CDK5RAP1: variants seen among roughly 807,000 people sequenced by gnomAD.
CDK5RAP1 encodes CDK5RAP1 mitochondrial tRNA methylthiotransferase.
CDK5RAP1 carries 62 observed loss-of-function variants against 64.5 expected under a neutral mutation model. That is an observed-to-expected ratio of 0.96 (90% CI 0.78 to 1.19). The LOEUF (loss-of-function observed/expected upper bound fraction) is 1.19, where lower values mean the gene tolerates loss of function less well. CDK5RAP1 is among the 50% of genes most tolerant of loss of function. CDK5RAP1 has a pLI of 0.00. For missense variants in CDK5RAP1, 657 were observed against 735.0 expected (o/e 0.89, Z 1.23); for synonymous variants, 250 against 261.9 (o/e 0.95, Z 0.44).
Position 33,374,184 on chromosome 20 carries a change from TTA to T in CDK5RAP1, c.1134_1135del (p.Asp378GlufsTer4). 1 of 1,613,018 alleles carries T rather than the reference TTA, an allele frequency of 6.2e-7. No individual in the cohort carries two copies. The highest frequency in any genetic ancestry group is 8.5e-7 in the Non-Finnish European group (1 of 1,178,974). ...TGGCAGGTGGATCTGTTTACAGATG[TTA>T]TCTCTCTCATGAATCAGCTGCAGAA... On this transcript the variant is annotated frameshift_variant, in exon 9 of 14. Transcript: ENST00000346416. LOFTEE classifies it high-confidence loss of function.
chr20:33,388,968 T>G (rs1458515828), intron 5 of CDK5RAP1, among the ~76,000 whole-genome samples: 1 of 152,164 alleles, frequency 6.6e-6, no homozygotes, highest in African/African-American at 2.4e-5. Context: ...TGACCTCCGC[T>G]CGCTACAACC....
rs755744142 is a variant in CDK5RAP1, at chr20:33,387,351, T to A, written c.727A>T (p.Thr243Ser). ...ETYADVMPVQ[T>S]SASATSAFVS... ...AAGGCAGACGTGGCACTGGCGCTTG[T>A]CTGGACTGGCATGACATCAGCATAG... The change falls in exon 6 of 14, where the codon ACA becomes TCA. Residue 243 changes from threonine to serine, a missense_variant. Transcript: ENST00000346416. 1.9e-6 allele frequency: 3 copies of A among 1,613,822 alleles called. No homozygotes were observed. The highest frequency in any genetic ancestry group is 2.7e-5 in the African/African-American group (2 of 74,854).
rs575719003 is a variant in CDK5RAP1 at position 33,388,957 on chromosome 20, G to A, written c.545-1424C>T. The stretch of plus-strand genomic sequence containing the variant: ...TGTTGCCAGGCTGGAGTGCAGTGGC[G>A]TGACCTCCGCTCGCTACAACCTCCA... On this transcript the variant is annotated intron_variant, in intron 5 of 13. Transcript: ENST00000346416. 5.3e-5 allele frequency among the ~76,000 whole-genome samples: 8 copies of A among 152,292 alleles called. No homozygotes were observed. In the South Asian group the frequency reaches 6.2e-4, roughly 12 times the overall value.
At position 33,392,631 on chromosome 20, in the gene CDK5RAP1, G is replaced by C. The variant is rs981262723; in HGVS notation, c.444-389C>G. Among the ~76,000 whole-genome samples, 5 of 152,068 alleles carry C rather than the reference G, an allele frequency of 3.3e-5. 1 individual carries two copies. Among genetic ancestry groups the C allele is most frequent in the Admixed American group, 3.3e-4 (5 of 15,274 alleles). On this transcript the variant is annotated intron_variant, in intron 4 of 13. Transcript: ENST00000346416. ...TGCCATTCAGACTTACGGAAGGTAG[G>C]TAGGGGGCCACCTGAAGAAGCAACA...
At chr20:33,397,947 G>A (rs766890979) in intron 1 of CDK5RAP1, among the ~76,000 whole-genome samples, 10 of 151,778 alleles carry the variant, frequency 6.6e-5, no homozygotes, top group Non-Finnish European at 8.8e-5. Flanking sequence ...AACCGAGATC[G>A]CACCACTGCA....
rs141684897 is a variant in CDK5RAP1, at chr20:33,375,395, C to G, written c.1108-1183G>C. 0.012 allele frequency among the ~76,000 whole-genome samples: 1,736 copies of G among 143,052 alleles called. 99 individuals carry two copies. The East Asian group carries it at 0.17, about 14-fold the overall frequency. The allele number at this position is 143,052 out of a possible 152,430, so 93.8% of individuals were successfully genotyped here. ...CTAGCCTGGGTGACAGAGCGAGACT[C>G]CATCTCAAAAAAAAAAAAAAAAGAA... is the stretch of plus-strand genomic sequence containing the variant. On this transcript the variant is annotated intron_variant, in intron 8 of 13. Transcript: ENST00000346416.
intron 12 of CDK5RAP1, among the ~76,000 whole-genome samples, chr20:33,365,269 G>A (rs1600707411): frequency 1.3e-5 from 2 of 151,742 alleles, no homozygotes; most frequent in African/African-American, 4.8e-5. Context: ...GTTTTTTGTT[G>A]TTGTTTATTT....
chr20:33,372,372 T>C (rs1049458111), intron 10 of CDK5RAP1, among the ~76,000 whole-genome samples: 3 of 151,862 alleles, frequency 2.0e-5, no homozygotes, highest in Non-Finnish European at 2.9e-5. Context: ...CTTTCCTCTA[T>C]GTCCAGATAC....
intron 11 of CDK5RAP1, among the ~76,000 whole-genome samples, chr20:33,368,466 T>C (rs1241024345): frequency 7.1e-6 from 1 of 140,456 alleles, no homozygotes; most frequent in East Asian, 2.0e-4. Context: ...CTAATTTTTT[T>C]TTTTTTTTTT....
At chr20:33,393,995 A>T in intron 4 of CDK5RAP1, 37 bp downstream of exon 4, 1 of 1,462,848 alleles carries the variant, frequency 6.8e-7, no homozygotes, top group Admixed American at 1.7e-5. Context: ...TTATTACATA[A>T]AATACATTCA....
intron 8 of CDK5RAP1, among the ~76,000 whole-genome samples, chr20:33,375,933 A>G (rs1353538720): frequency 6.6e-6 from 1 of 152,196 alleles, no homozygotes; most frequent in Non-Finnish European, 1.5e-5. Flanking sequence ...ACTGTAGCTC[A>G]CCCCAACCTT....
At chr20:33,382,681 CTAAA>C (rs1056710617) in intron 7 of CDK5RAP1, among the ~76,000 whole-genome samples, 24 of 151,204 alleles carry the variant, frequency 1.6e-4, no homozygotes, top group African/African-American at 5.6e-4. Context: ...AATTCCGTCT[CTAAA>C]TAAATAAATA....
At chr20:33,359,341 A>G (rs1162791511) in intron 13 of CDK5RAP1, 3 of 520,656 alleles carry the variant, frequency 5.8e-6, no homozygotes, top group African/African-American at 5.7e-5. Flanking sequence ...GGTCAGTCCC[A>G]GCCACTTCTC....
intron 12 of CDK5RAP1, among the ~76,000 whole-genome samples, chr20:33,366,181 T>C (rs1983899053): frequency 6.6e-6 from 1 of 151,522 alleles, no homozygotes; most frequent in African/African-American, 2.4e-5. Flanking sequence ...TAGCTGGGTG[T>C]GGTAGTGGGT....
chr20:33,372,803 C>T, intron 9 of CDK5RAP1, 106 bp from the exon 10 acceptor site: 1 of 745,756 alleles, frequency 1.3e-6, no homozygotes, highest in Non-Finnish European at 2.3e-6. Context: ...ACTTCTCATC[C>T]ACATGGCAGG....
At chr20:33,372,748 A>AAAAGGT in intron 9 of CDK5RAP1, 51 bp from the exon 10 acceptor site, 2 of 1,157,774 alleles carry the variant, frequency 1.7e-6, no homozygotes, top group Non-Finnish European at 2.6e-6. Context: ...ACCTTTTTAA[A>AAAAGGT]TGAATGCTAT....
intron 7 of CDK5RAP1, among the ~76,000 whole-genome samples, chr20:33,380,171 T>C (rs1006067243): frequency 6.6e-6 from 1 of 152,212 alleles, no homozygotes; most frequent in African/African-American, 2.4e-5. Context: ...CTTCAAAAAG[T>C]TAATGCATCA....
At chr20:33,389,603 C>T (rs1347427853) in intron 5 of CDK5RAP1, among the ~76,000 whole-genome samples, 1 of 151,224 alleles carries the variant, frequency 6.6e-6, no homozygotes, top group African/African-American at 2.4e-5. Flanking sequence ...AGCCCCCGCC[C>T]GGCCAGCCGC....
chr20:33,389,152 C>T (rs1196855568), intron 5 of CDK5RAP1, among the ~76,000 whole-genome samples: 8 of 151,932 alleles, frequency 5.3e-5, no homozygotes, highest in African/African-American at 1.9e-4. Flanking sequence ...CGCCTCTTCC[C>T]GGCCGCCATC....
Sources: gnomAD v4.1 joint callset for allele counts (sites outside exome capture counted in the v4.1 genomes callset) on GRCh38, gnomAD v4.1.1 for gene constraint, MANE v1.5 for transcripts, NCBI Gene and HGNC (gene_info 2026-07-23, HGNC 2026-07-21) for gene names.